KMT2E: variants seen among roughly 807,000 people sequenced by gnomAD.
The protein encoded by KMT2E is lysine methyltransferase 2E (inactive).
In KMT2E, 30 loss-of-function variants were observed where a neutral mutation model predicts 184.6. That is an observed-to-expected ratio of 0.16 (90% CI 0.12 to 0.22). The LOEUF (loss-of-function observed/expected upper bound fraction) is 0.22, where lower values mean the gene tolerates loss of function less well. Ranked by LOEUF, KMT2E falls within the 10% of genes least tolerant of loss-of-function variation. The probability of loss-of-function intolerance (pLI) is 1.00; values close to 1 mark genes in which losing one functional copy is unlikely to be tolerated. For missense variants in KMT2E, 2,023 were observed against 2,237.4 expected (o/e 0.90, Z 1.93); for synonymous variants, 815 against 776.5 (o/e 1.05, Z -0.82).
At chr7:105,098,961 C>T (rs996588073) in intron 15 of KMT2E, among the ~76,000 whole-genome samples, 2 of 152,040 alleles carry the variant, frequency 1.3e-5, no homozygotes, top group African/African-American at 4.8e-5. Context: ...GCTCTAACTA[C>T]CTCAAAGAAT....
chr7:105,027,845 G>A (rs1795235652), intron 1 of KMT2E, among the ~76,000 whole-genome samples: 1 of 151,912 alleles, frequency 6.6e-6, no homozygotes, highest in Non-Finnish European at 1.5e-5. Flanking sequence ...GATTTTATGG[G>A]TTTGGTAAGT....
At chr7:105,075,597 A>G (rs548251433) in intron 8 of KMT2E, among the ~76,000 whole-genome samples, 8 of 152,178 alleles carry the variant, frequency 5.3e-5, no homozygotes, top group Non-Finnish European at 8.8e-5. Context: ...CCACTGTTGT[A>G]ATATTGAACA....
At chr7:105,054,806 C>T (rs1233714543) in intron 3 of KMT2E, among the ~76,000 whole-genome samples, 2 of 152,082 alleles carry the variant, frequency 1.3e-5, no homozygotes, top group African/African-American at 2.4e-5. Flanking sequence ...TGAGCTACCA[C>T]GCCCAGCCCG....
At position 105,106,634 on chromosome 7, in the gene KMT2E, T is replaced by A. The variant is rs774075636; in HGVS notation, c.2709T>A (p.Ile903=). The A allele has an allele frequency of 2.5e-6, 4 of 1,614,138 alleles. No individual in the cohort carries two copies. In the East Asian group the frequency reaches 6.7e-5, roughly 27 times the overall value. Residue 903 remains isoleucine (I), a synonymous_variant, in exon 20 of 27, where the codon ATT becomes ATA. Transcript: ENST00000311117. The stretch of plus-strand genomic sequence containing the variant: ...ATGCTACACCAACTCACACCGATAT[T>A]ACTCCTATGGACCCATCTTTTGCCA... ...SPYATPTHTD[I]TPMDPSFATP...
chr7:105,093,945 T>C (rs1798308259), intron 15 of KMT2E, among the ~76,000 whole-genome samples: 1 of 152,216 alleles, frequency 6.6e-6, no homozygotes, highest in African/African-American at 2.4e-5. Flanking sequence ...GTCTTTAATT[T>C]GGTATTTCGA....
chr7:105,109,759 T>C (rs981491752), intron 23 of KMT2E, among the ~76,000 whole-genome samples: 1 of 152,016 alleles, frequency 6.6e-6, no homozygotes, highest in African/African-American at 2.4e-5. Context: ...TTTTCACCAA[T>C]AAATTGCTGG....
intron 17 of KMT2E, chr7:105,103,821 CTTTTTCTT>C: frequency 7.4e-6 from 1 of 134,716 alleles, no homozygotes; most frequent in African/African-American, 2.9e-5. Context: ...TGTACATTTT[CTTTTTCTT>C]TTTTTTTTTT....
At chr7:105,018,798 T>C (rs953917214) in intron 1 of KMT2E, among the ~76,000 whole-genome samples, 15 of 152,092 alleles carry the variant, frequency 9.9e-5, no homozygotes, top group Non-Finnish European at 2.1e-4. Context: ...TTCTTGACAT[T>C]GAAAGAATAA....
chr7:105,073,404 A>AGG (rs1584760895), intron 6 of KMT2E, among the ~76,000 whole-genome samples: 1 of 151,906 alleles, frequency 6.6e-6, no homozygotes, highest in East Asian at 1.9e-4. Context: ...CTGGGGAAAA[A>AGG]AAAAAAAAAA....
At chr7:105,054,476 C>G (rs1241196170) in intron 3 of KMT2E, among the ~76,000 whole-genome samples, 7 of 149,838 alleles carry the variant, frequency 4.7e-5, no homozygotes, top group Non-Finnish European at 1.0e-4. Flanking sequence ...ATCTATCTAT[C>G]TATCTATCTA....
chr7:105,114,659 T>G lies in KMT2E; in HGVS notation c.*1326T>G, dbSNP rs1799527228. Among the ~76,000 whole-genome samples, 2 of 152,196 alleles carry G rather than the reference T, an allele frequency of 1.3e-5. No individual in the cohort carries two copies. The highest frequency in any genetic ancestry group is 2.9e-5 in the Non-Finnish European group (2 of 68,032). On this transcript the variant is annotated 3_prime_UTR_variant, in exon 27 of 27. Transcript: ENST00000311117. ...ACATATTTTTCATCATCCAATTACC[T>G]GACATAATTTGGCACAGGATACAAA... is the stretch of plus-strand genomic sequence containing the variant.
chr7:105,076,761 A>G (rs1797540936), intron 9 of KMT2E, among the ~76,000 whole-genome samples: 1 of 152,174 alleles, frequency 6.6e-6, no homozygotes, highest in Non-Finnish European at 1.5e-5. Context: ...AGCATGTTAC[A>G]GTGTATCTTT....
Position 105,089,748 on chromosome 7 carries a change from T to C in KMT2E, c.1359-261T>C, listed in dbSNP as rs140222005. On this transcript the variant is annotated intron_variant, in intron 13 of 26. Transcript: ENST00000311117. Reference sequence around the variant, plus strand: ...CCCTTCTGGTCCTAAGCATTTCAGGTAAGGCATGCTTAACCTGTACCAGTT... The same window carrying C: ...CCCTTCTGGTCCTAAGCATTTCAGGCAAGGCATGCTTAACCTGTACCAGTT... Among the ~76,000 whole-genome samples the C allele has an allele frequency of 4.1e-3, 622 of 152,304 alleles. 3 individuals are homozygous for C. Among genetic ancestry groups the C allele is most frequent in the Middle Eastern group, 6.8e-3 (2 of 294 alleles).
Position 105,111,838 on chromosome 7 carries a change from G to A in KMT2E, c.4082G>A (p.Gly1361Glu), listed in dbSNP as rs1212295606. The A allele has an allele frequency of 6.2e-7, 1 of 1,611,992 alleles. No homozygotes were observed. Residue 1361 changes from glycine (G) to glutamate (E), a missense_variant, in exon 27 of 27, where the codon GGA becomes GAA. This residue lies in a region of KMT2E where 1,108 missense variants were observed against 1,050.9 expected (regional missense o/e 1.05). Transcript: ENST00000311117. ...TTCTCTTCATAGCCTGGTTCACCTGGATCTGTAATTCCTGCTCAAGCACAC... is the reference window on the plus strand; with the variant it reads ...TTCTCTTCATAGCCTGGTTCACCTGAATCTGTAATTCCTGCTCAAGCACAC... ...PPKMSKPGSP[G>E]SVIPAQAHGK...
chr7:105,101,008 A>T (rs1456062306), intron 15 of KMT2E, among the ~76,000 whole-genome samples: 1 of 152,214 alleles, frequency 6.6e-6, no homozygotes, highest in African/African-American at 2.4e-5. Context: ...TATGCCAATA[A>T]TATACTCACT....
chr7:105,050,099 TTTA>T (rs1386953325), intron 3 of KMT2E, among the ~76,000 whole-genome samples: 1 of 152,190 alleles, frequency 6.6e-6, no homozygotes, highest in Non-Finnish European at 1.5e-5. Context: ...ATTTCCCTTT[TTTA>T]TTATTTCATT....
In KMT2E at chr7:105,081,563, T is replaced by C. The variant is rs957784988; in HGVS notation, c.1249-125T>C. On this transcript the variant is annotated intron_variant, in intron 12 of 26. Coordinates refer to ENST00000311117, the MANE Select transcript of KMT2E (RefSeq NM_182931.3). ...AATAGATAGTTATAAGCCTTGTCAT[T>C]AATGACATATTTTCCAGGTTGTGTT... is the stretch of plus-strand genomic sequence containing the variant. 2.0e-5 allele frequency: 13 copies of C among 643,432 alleles called. No individual in the cohort carries two copies. In the African/African-American group the frequency reaches 2.4e-4, roughly 12 times the overall value. 39.9% of individuals were successfully genotyped at this position (643,432 alleles called of 1,614,324 possible). A position where few individuals can be genotyped will look rare whatever the true frequency, so the allele number is the denominator to read the frequency against.
Position 105,113,206 on chromosome 7 carries a change from C to A in KMT2E, c.5450C>A (p.Ser1817Tyr). The change falls in exon 27 of 27, where the codon TCT becomes TAT. Residue 1817 changes from serine (S) to tyrosine (Y), a missense_variant. By Grantham distance (144) the Ser-to-Tyr change is moderately radical (BLOSUM62 -2). Around this residue, in one of 8 missense-constraint regions of KMT2E, gnomAD observed 1,108 missense variants for 1,050.9 expected, o/e 1.05. Coordinates refer to ENST00000311117, the MANE Select transcript of KMT2E (RefSeq NM_182931.3). ...TCAGGGTTCTGTCCTCATCCTGGCTCTGTGGCCCTGCCACATGGGGTTCAA... is the reference window on the plus strand; with the variant it reads ...TCAGGGTTCTGTCCTCATCCTGGCTATGTGGCCCTGCCACATGGGGTTCAA... ...TASGFCPHPGSVALPHGVQGP... is the reference protein window; with the variant it reads ...TASGFCPHPGYVALPHGVQGP... 2 of 1,614,224 alleles carry A rather than the reference C, an allele frequency of 1.2e-6. No homozygotes were observed. The highest frequency in any genetic ancestry group is 1.7e-6 in the Non-Finnish European group (2 of 1,180,034).
At chr7:105,054,397 G>GA (rs1163489117) in intron 3 of KMT2E, among the ~76,000 whole-genome samples, 8 of 148,910 alleles carry the variant, frequency 5.4e-5, no homozygotes, top group East Asian at 3.9e-4. Flanking sequence ...GGAACTCAAG[G>GA]AAAAAAAAAG....
Sources: gnomAD v4.1 joint callset for allele counts (sites outside exome capture counted in the v4.1 genomes callset) on GRCh38, gnomAD v4.1.1 for gene constraint, gnomAD v4.1.1 regional missense constraint, MANE v1.5 for transcripts, NCBI Gene and HGNC (gene_info 2026-07-23, HGNC 2026-07-21) for gene names.